DOK6: variants seen among roughly 807,000 people sequenced by gnomAD.
DOK6 encodes docking protein 6.
In DOK6, 22 loss-of-function variants were observed where a neutral mutation model predicts 44.0. The observed-to-expected ratio is 0.50, with a 90% CI of 0.36 to 0.71. The LOEUF is 0.71. DOK6 is among the 30% of genes least tolerant of loss of function. DOK6 has a pLI of 0.00. For missense variants in DOK6, 340 were observed against 416.4 expected, an observed-to-expected ratio of 0.82 and a Z score of 1.60; for synonymous variants, 166 against 145.5, an observed-to-expected ratio of 1.14 and a Z score of -1.01.
At chr18:69,665,225 C>G (rs529870922) in intron 3 of DOK6, among the ~76,000 whole-genome samples, 37 of 152,130 alleles carry the variant, frequency 2.4e-4, no homozygotes, top group African/African-American at 8.7e-4. Context: ...CCAAAAGACA[C>G]TAACTCAATG....
intron 1 of DOK6, among the ~76,000 whole-genome samples, chr18:69,557,993 C>A (rs1473300522): frequency 8.5e-5 from 13 of 152,102 alleles, no homozygotes. Context: ...TCATGGGAGG[C>A]AAATAAAAAT....
rs532972418 is a variant in DOK6 at position 69,593,815 on chromosome 18, T to G, written c.175-5569T>G. Among the ~76,000 whole-genome samples, 134 of 152,348 alleles carry G rather than the reference T, an allele frequency of 8.8e-4. No homozygotes were observed. The Middle Eastern group carries it at 0.014, about 15-fold the overall frequency. On this transcript the variant is annotated intron_variant, in intron 2 of 7. Coordinates refer to ENST00000382713, the MANE Select transcript of DOK6 (RefSeq NM_152721.6). ...GGTTCTCAAATAGATTTATAAATGT[T>G]TTTATTATATGGTACATCTAGCTAT...
At chr18:69,449,807 C>T (rs1048755850) in intron 1 of DOK6, among the ~76,000 whole-genome samples, 6 of 151,374 alleles carry the variant, frequency 4.0e-5, no homozygotes, top group South Asian at 2.1e-4. Flanking sequence ...CACACTGACA[C>T]CTCACACGGC....
At chr18:69,485,916 T>C (rs1451332424) in intron 1 of DOK6, among the ~76,000 whole-genome samples, 1 of 151,780 alleles carries the variant, frequency 6.6e-6, no homozygotes, top group East Asian at 1.9e-4. Context: ...TATATGTATA[T>C]CTCCCAGTAT....
intron 5 of DOK6, among the ~76,000 whole-genome samples, chr18:69,706,269 T>G (rs1376249996): frequency 1.3e-5 from 2 of 152,276 alleles, no homozygotes; most frequent in African/African-American, 4.8e-5. Context: ...CCTTCAGATT[T>G]ACATGTCAAA....
intron 3 of DOK6, among the ~76,000 whole-genome samples, chr18:69,605,487 T>C (rs932831010): frequency 2.0e-5 from 3 of 152,146 alleles, no homozygotes; most frequent in Non-Finnish European, 4.4e-5. Flanking sequence ...CCTTGAGGTC[T>C]CTCCTTAAGC....
chr18:69,716,589 G>A (rs1986886716), intron 5 of DOK6, among the ~76,000 whole-genome samples: 1 of 149,020 alleles, frequency 6.7e-6, no homozygotes. Flanking sequence ...GCCTCAAAAT[G>A]TCCCTTTGTT....
At chr18:69,711,336 A>G (rs1161969946) in intron 5 of DOK6, among the ~76,000 whole-genome samples, 31 of 152,224 alleles carry the variant, frequency 2.0e-4, no homozygotes, top group Admixed American at 2.0e-3. Context: ...TTAATGACGA[A>G]CGAGGTAACA....
chr18:69,694,464 T>C (rs1986348763), intron 4 of DOK6, among the ~76,000 whole-genome samples: 1 of 146,024 alleles, frequency 6.8e-6, no homozygotes, highest in African/African-American at 2.5e-5. Context: ...TATTATAGCA[T>C]AATTATATAT....
rs80159113 is a variant in DOK6, at chr18:69,757,149, A to G, written c.739-607A>G. Among the ~76,000 whole-genome samples the G allele has an allele frequency of 6.9e-3, 1,053 of 152,338 alleles. 27 individuals carry two copies. Among genetic ancestry groups the G allele is most frequent in the Non-Finnish European group, 7.4e-3 (501 of 68,042 alleles). ...AACAAACATGCCACAGTTTTATCAC[A>G]GTGTTTCTCAGAGAATACCTTTTTT... On this transcript the variant is annotated intron_variant, in intron 6 of 7. Transcript: ENST00000382713.
intron 1 of DOK6, among the ~76,000 whole-genome samples, chr18:69,509,865 G>T (rs1480922224): frequency 2.0e-5 from 3 of 152,044 alleles, no homozygotes; most frequent in African/African-American, 7.2e-5. Context: ...AGATTCTCAG[G>T]GTGTTATGTA....
intron 7 of DOK6, among the ~76,000 whole-genome samples, chr18:69,766,995 G>A (rs1979736382): frequency 6.6e-6 from 1 of 152,172 alleles, no homozygotes; most frequent in Non-Finnish European, 1.5e-5. Flanking sequence ...GGGAGGCTGA[G>A]GCAGGCAGAT....
intron 3 of DOK6, among the ~76,000 whole-genome samples, chr18:69,623,533 C>A (rs1288344361): frequency 6.6e-6 from 1 of 152,152 alleles, no homozygotes; most frequent in African/African-American, 2.4e-5. Context: ...TGCATAATCA[C>A]CTTTTCAAGA....
chr18:69,652,364 G>A (rs1186032790), intron 3 of DOK6, among the ~76,000 whole-genome samples: 1 of 152,038 alleles, frequency 6.6e-6, no homozygotes, highest in Non-Finnish European at 1.5e-5. Flanking sequence ...ACATAAATAC[G>A]AGATGTTGAC....
At chr18:69,598,041 A>G (rs1051716913) in intron 2 of DOK6, among the ~76,000 whole-genome samples, 2 of 152,124 alleles carry the variant, frequency 1.3e-5, no homozygotes, top group Non-Finnish European at 2.9e-5. Context: ...TTCCATCCAC[A>G]TTATAGATTA....
intron 6 of DOK6, among the ~76,000 whole-genome samples, chr18:69,752,470 G>A (rs948713597): frequency 2.0e-5 from 3 of 152,220 alleles, no homozygotes; most frequent in East Asian, 1.9e-4. Flanking sequence ...TTCCAAAAGA[G>A]CAGAAATAAG....
chr18:69,693,373 A>T (rs1236804757), intron 4 of DOK6, among the ~76,000 whole-genome samples: 2 of 151,318 alleles, frequency 1.3e-5, no homozygotes, highest in African/African-American at 4.8e-5. Flanking sequence ...AATTTCTTCT[A>T]ACTAACATAC....
chr18:69,673,812 A>T (rs1985861718), intron 3 of DOK6, among the ~76,000 whole-genome samples: 1 of 152,262 alleles, frequency 6.6e-6, no homozygotes, highest in African/African-American at 2.4e-5. Flanking sequence ...TGAAAAAGGC[A>T]TCTTCATGAA....
At chr18:69,719,992 C>T (rs1280873887) in intron 5 of DOK6, among the ~76,000 whole-genome samples, 1 of 152,102 alleles carries the variant, frequency 6.6e-6, no homozygotes, top group Non-Finnish European at 1.5e-5. Flanking sequence ...GAGTTCGAGA[C>T]CACCCTGGGC....
Sources: gnomAD v4.1 joint callset for allele counts (sites outside exome capture counted in the v4.1 genomes callset) on GRCh38, gnomAD v4.1.1 for gene constraint, MANE v1.5 for transcripts, NCBI Gene and HGNC (gene_info 2026-07-23, HGNC 2026-07-21) for gene names.